The following SLC5A10 variants were observed in gnomAD, a reference collection of about 807,000 sequenced individuals.
SLC5A10 encodes sodium/mannose cotransporter SLC5A10.
SLC5A10 carries 55 observed loss-of-function variants against 68.9 expected under a neutral mutation model. The observed-to-expected ratio is 0.80, with a 90% CI of 0.64 to 1.00. The LOEUF is 1.00. Ranked by LOEUF, SLC5A10 falls within the 50% of genes least tolerant of loss-of-function variation. SLC5A10 has a pLI of 0.00. For synonymous variants in SLC5A10, 344 were observed against 344.8 expected (o/e 1.00, Z 0.02); for missense variants, 732 against 819.3 (o/e 0.89, Z 1.30).
chr17:19,003,460 A>G lies in SLC5A10; in HGVS notation c.983-9950A>G. ...CGTTTTGGGCTCTGAGTGAGCCTGT[A>G]TTGAGAGGGGTCCGGTGGCTGGTTG... On this transcript the variant is annotated intron_variant, in intron 9 of 14. Transcript: ENST00000395645. This position sits in a 1 kb window ranked among gnomAD's most constrained non-coding sequence, Gnocchi z 4.5. 6.7e-7 allele frequency: 1 copy of G among 1,491,004 alleles called. No homozygotes were observed. The highest frequency in any genetic ancestry group is 1.4e-5 in the African/African-American group (1 of 70,746). The allele number at this position is 1,491,004 out of a possible 1,614,324, so 92.4% of individuals were successfully genotyped here. A position where few individuals can be genotyped will look rare whatever the true frequency, so the allele number is the denominator to read the frequency against.
At chr17:19,006,633 A>G (rs1228848840) in intron 9 of SLC5A10, among the ~76,000 whole-genome samples, 2 of 152,106 alleles carry the variant, frequency 1.3e-5, no homozygotes, top group East Asian at 3.8e-4. Context: ...CAAGATACAG[A>G]ACTGTTCTGT....
In SLC5A10 at chr17:18,957,227, G is replaced by T. The variant is rs527917640; in HGVS notation, c.112-1455G>T. Among the ~76,000 whole-genome samples the T allele has an allele frequency of 1.5e-4, 23 of 152,230 alleles. No homozygotes were observed. The South Asian group carries it at 4.6e-3, about 30-fold the overall frequency. On this transcript the variant is annotated intron_variant, in intron 1 of 14. Transcript: ENST00000395645. ...CAGAGGAAGAAACCAAGGCATACGC[G>T]TTCAGTAACTTGCCCCAGGTAACAC...
chr17:18,986,162 T>C (rs2043264060), intron 9 of SLC5A10: 1 of 152,250 alleles, frequency 6.6e-6, no homozygotes, highest in Non-Finnish European at 1.5e-5. Context: ...GTTTTGGTTT[T>C]ATAATGGAAG....
Position 19,015,208 on chromosome 17 carries a change from GT to G in SLC5A10, c.1241+10del. On this transcript the variant is annotated intron_variant, in intron 11 of 14. Transcript: ENST00000395645. ...CTCCTGCTGGTGGGACGGTACGGGG[GT>G]GGGGGCCAGTACGGGGGTGGGGGAA... The G allele has an allele frequency of 7.0e-7, 1 of 1,421,764 alleles. No individual in the cohort carries two copies. Among genetic ancestry groups the G allele is most frequent in the Non-Finnish European group, 9.7e-7 (1 of 1,033,348 alleles). The allele number at this position is 1,421,764 out of a possible 1,614,324, so 88.1% of individuals were successfully genotyped here. A position where few individuals can be genotyped will look rare whatever the true frequency, so the allele number is the denominator to read the frequency against.
Position 18,959,172 on chromosome 17 carries a change from G to C in SLC5A10, c.221G>C (p.Gly74Ala). ...ASLFASSEGS[G>A]LFIGLAGSGA... ...CTCTTCGCCAGCAGCGAGGGCTCTG[G>C]CCTCTTCATTGGACTGGCGGGCTCA... is the stretch of plus-strand genomic sequence containing the variant. The change falls in exon 3 of 15, where the codon GGC (glycine) becomes GCC (alanine). Residue 74 changes from glycine (G) to alanine (A), a missense_variant. Gly to Ala is a moderately conservative substitution (Grantham distance 60). Transcript: ENST00000395645. 2 of 1,613,868 alleles carry C rather than the reference G, an allele frequency of 1.2e-6. No homozygotes were observed. Among genetic ancestry groups the C allele is most frequent in the Non-Finnish European group, 1.7e-6 (2 of 1,179,932 alleles).
intron 9 of SLC5A10, chr17:18,979,394 A>T: frequency 1.1e-6 from 1 of 889,954 alleles, no homozygotes; most frequent in Non-Finnish European, 1.7e-6. Flanking sequence ...CTGCCTCCAG[A>T]GACAGACAGG....
At chr17:19,002,384 C>G (rs2043753287) in intron 9 of SLC5A10, among the ~76,000 whole-genome samples, 2 of 152,236 alleles carry the variant, frequency 1.3e-5, no homozygotes, top group Admixed American at 1.3e-4. Flanking sequence ...GGCCAGGGGC[C>G]ACCTCACCAG....
chr17:18,953,900 A>G (rs1354412661), intron 1 of SLC5A10: 1 of 152,342 alleles, frequency 6.6e-6, no homozygotes, highest in Non-Finnish European at 1.5e-5. Context: ...CTGGTTTCAA[A>G]TATTTCGGAT....
intron 9 of SLC5A10, among the ~76,000 whole-genome samples, chr17:18,995,809 G>A (rs2043553542): frequency 6.6e-6 from 1 of 152,068 alleles, no homozygotes; most frequent in Admixed American, 6.5e-5. Flanking sequence ...TTGGGAGGCT[G>A]AGGCAGGAGA....
At position 19,003,380 on chromosome 17, in the gene SLC5A10, C is replaced by T; in HGVS notation, c.983-10030C>T. ...ACGAAGGTGGGGAGGAAACCTCCAC[C>T]CAAGAGGCAGCCAGGGAAAACAGCA... is the stretch of plus-strand genomic sequence containing the variant. On this transcript the variant is annotated intron_variant, in intron 9 of 14. Transcript: ENST00000395645. The surrounding 1 kb of genome is among the most constrained non-coding windows in gnomAD (Gnocchi z 4.5). 2 of 951,746 alleles carry T rather than the reference C, an allele frequency of 2.1e-6. No individual in the cohort carries two copies. The highest frequency in any genetic ancestry group is 2.8e-6 in the Non-Finnish European group (2 of 702,476). 59.0% of individuals were successfully genotyped at this position (951,746 alleles called of 1,614,324 possible). A position where few individuals can be genotyped will look rare whatever the true frequency, so the allele number is the denominator to read the frequency against.
chr17:19,022,169 A>AG lies in SLC5A10; in HGVS notation c.*1741dup, dbSNP rs2044275678. 7.3e-7 allele frequency: 1 copy of AG among 1,365,922 alleles called. No homozygotes were observed. The highest frequency in any genetic ancestry group is 1.5e-5 in the African/African-American group (1 of 66,208). The allele number at this position is 1,365,922 out of a possible 1,614,324, so 84.6% of individuals were successfully genotyped here. A position where few individuals can be genotyped will look rare whatever the true frequency, so the allele number is the denominator to read the frequency against. ...ACTGCAAGAAGAGGAGGTGGTTAGT[A>AG]GGGTGCCTTCAGAAGCCCTGCAACC... On this transcript the variant is annotated 3_prime_UTR_variant, in exon 15 of 15. Coordinates refer to ENST00000395645, the MANE Select transcript of SLC5A10 (RefSeq NM_001042450.4).
At chr17:18,997,031 TTGACA>T (rs2043587052) in intron 9 of SLC5A10, among the ~76,000 whole-genome samples, 1 of 152,252 alleles carries the variant, frequency 6.6e-6, no homozygotes, top group African/African-American at 2.4e-5. Context: ...CCCGTTCCCC[TTGACA>T]TTCATCAGCT....
Position 19,017,678 on chromosome 17 carries a change from TC to T in SLC5A10, c.1242-1742del, listed in dbSNP as rs1482918133. On this transcript the variant is annotated intron_variant, in intron 11 of 14. Coordinates refer to ENST00000395645, the MANE Select transcript of SLC5A10 (RefSeq NM_001042450.4). This position sits in a 1 kb window ranked among gnomAD's most constrained non-coding sequence, Gnocchi z 5.6. ...CTGCCCCACTCTCCCCTGTCTGTGT[TC>T]CCGGCTGTTCAGTCCGTAAATGGGG... 5.1e-6 allele frequency: 2 copies of T among 395,496 alleles called. No individual in the cohort carries two copies. Among genetic ancestry groups the T allele is most frequent in the African/African-American group, 4.1e-5 (2 of 48,774 alleles). The allele number at this position is 395,496 out of a possible 1,614,324, so 24.5% of individuals were successfully genotyped here. A position where few individuals can be genotyped will look rare whatever the true frequency, so the allele number is the denominator to read the frequency against.
At chr17:18,989,634 T>G (rs964734217) in intron 9 of SLC5A10, among the ~76,000 whole-genome samples, 2 of 152,250 alleles carry the variant, frequency 1.3e-5, no homozygotes, top group Admixed American at 1.3e-4. Context: ...CCGCAGCACC[T>G]GCAAAGAGCC....
chr17:18,965,243 T>C lies in SLC5A10; in HGVS notation c.454-3809T>C, dbSNP rs536262875. Reference sequence around the variant, plus strand: ...GTGTGTGTTTTGGAGACGGAATCCATAGCAGTGGCCGGTGGGTCAGAGGCG... The same window carrying C: ...GTGTGTGTTTTGGAGACGGAATCCACAGCAGTGGCCGGTGGGTCAGAGGCG... On this transcript the variant is annotated intron_variant, in intron 5 of 14. Transcript: ENST00000395645. 4.7e-3 allele frequency among the ~76,000 whole-genome samples: 715 copies of C among 152,136 alleles called. 4 individuals carry two copies. The highest frequency in any genetic ancestry group is 5.8e-3 in the Non-Finnish European group (396 of 67,966).
In SLC5A10 at chr17:19,000,432, G is replaced by A. The variant is rs949305738; in HGVS notation, c.983-12978G>A. Among the ~76,000 whole-genome samples, 6 of 152,204 alleles carry A rather than the reference G, an allele frequency of 3.9e-5. No homozygotes were observed. Among genetic ancestry groups the A allele is most frequent in the African/African-American group, 1.4e-4 (6 of 41,454 alleles). On this transcript the variant is annotated intron_variant, in intron 9 of 14. Coordinates refer to ENST00000395645, the MANE Select transcript of SLC5A10 (RefSeq NM_001042450.4). This position sits in a 1 kb window ranked among gnomAD's most constrained non-coding sequence, Gnocchi z 5.2. The stretch of plus-strand genomic sequence containing the variant: ...GTTCCAGGTCCCACAGTCAGGCAGA[G>A]GCAGAGCACGGACTCTTGGCTCCTG...
At chr17:18,991,075 C>T (rs938363276) in intron 9 of SLC5A10, among the ~76,000 whole-genome samples, 4 of 152,196 alleles carry the variant, frequency 2.6e-5, no homozygotes, top group African/African-American at 9.7e-5. Context: ...CACCGGGAGG[C>T]AGTGGTTCTT....
At chr17:18,992,751 C>T (rs1597876958) in intron 9 of SLC5A10, among the ~76,000 whole-genome samples, 1 of 152,208 alleles carries the variant, frequency 6.6e-6, no homozygotes, top group Admixed American at 6.5e-5. Context: ...CAAGGCCCTT[C>T]GTCTCTGATG....
chr17:18,974,194 T>G (rs1223384921), intron 8 of SLC5A10, among the ~76,000 whole-genome samples: 1 of 151,974 alleles, frequency 6.6e-6, no homozygotes, highest in African/African-American at 2.4e-5. Flanking sequence ...CCCAGCCAAT[T>G]TTTGTATTTT....
Sources: allele counts gnomAD v4.1 joint callset (sites outside exome capture counted in the v4.1 genomes callset), GRCh38; gene constraint gnomAD v4.1.1; non-coding constraint Gnocchi (gnomAD v3.1); transcripts MANE v1.5; gene names NCBI Gene and HGNC (gene_info 2026-07-23, HGNC 2026-07-21).